The following EIF4G3 variants were observed in gnomAD, a reference collection of about 807,000 sequenced individuals.
EIF4G3 encodes the protein eIF-4-gamma 3.
A neutral mutation model predicts 186.4 loss-of-function variants in EIF4G3; 34 were observed. That is an observed-to-expected ratio of 0.18 (90% CI 0.14 to 0.24). EIF4G3 has a LOEUF of 0.24. EIF4G3 is among the 10% of genes least tolerant of loss of function. The pLI is 1.00. For synonymous variants in EIF4G3, 673 were observed against 679.5 expected, an observed-to-expected ratio of 0.99 and a Z score of 0.15; for missense variants, 1,536 against 1,948.5, an observed-to-expected ratio of 0.79 and a Z score of 3.99.
chr1:20,814,577 T>C (rs1373972473), intron 34 of EIF4G3, among the ~76,000 whole-genome samples: 1 of 152,274 alleles, frequency 6.6e-6, no homozygotes, highest in East Asian at 1.9e-4. Context: ...CAGAAGCATG[T>C]AACTATTTTT....
intron 14 of EIF4G3, among the ~76,000 whole-genome samples, chr1:20,925,545 C>T (rs936640729): frequency 7.9e-5 from 12 of 152,106 alleles, no homozygotes; most frequent in Non-Finnish European, 1.0e-4. Context: ...TATTTCTATA[C>T]GTTTTAGCAA....
chr1:20,971,768 G>T (rs2075939247), intron 11 of EIF4G3, among the ~76,000 whole-genome samples: 1 of 152,126 alleles, frequency 6.6e-6, no homozygotes. Flanking sequence ...CGAGTAGCTG[G>T]AATTATAGGC....
chr1:21,042,418 A>C (rs2093637285), intron 4 of EIF4G3, among the ~76,000 whole-genome samples: 1 of 152,206 alleles, frequency 6.6e-6, no homozygotes, highest in South Asian at 2.1e-4. Context: ...AATGACCATC[A>C]TCTACAAGAT....
chr1:20,998,172 T>C (rs529460618), intron 6 of EIF4G3, among the ~76,000 whole-genome samples: 2 of 152,090 alleles, frequency 1.3e-5, no homozygotes, highest in African/African-American at 2.4e-5. Flanking sequence ...AGTTTCAGTA[T>C]CTTAATTTCT....
chr1:21,024,735 T>C (rs1173832231), intron 4 of EIF4G3, among the ~76,000 whole-genome samples: 2 of 149,380 alleles, frequency 1.3e-5, no homozygotes, highest in African/African-American at 4.9e-5. Flanking sequence ...TCTCAAGTAA[T>C]CAGGGACACA....
chr1:20,973,144 A>T lies in EIF4G3; in HGVS notation c.494-45T>A, dbSNP rs1253236774. 4.9e-6 allele frequency: 7 copies of T among 1,423,252 alleles called. No homozygotes were observed. The South Asian group carries it at 7.1e-5, about 14-fold the overall frequency. 88.2% of individuals were successfully genotyped at this position (1,423,252 alleles called of 1,614,324 possible). A position where few individuals can be genotyped will look rare whatever the true frequency, so the allele number is the denominator to read the frequency against. ...TAAATAGGCATTCAGTTATTTTGTC[A>T]AACACTACAGAACTAGCAATGACAC... On this transcript the variant is annotated intron_variant, in intron 10 of 36. Coordinates refer to ENST00000602326, the MANE Select transcript of EIF4G3 (RefSeq NM_001391906.1).
chr1:21,053,912 G>A lies in EIF4G3; in HGVS notation c.-195-2918C>T, dbSNP rs554736580. ...AGGTGAGGGGCGCCTCTGCCCGGCC[G>A]CCCCTACTGGGAAGTGAGGAGCCCC... On this transcript the variant is annotated intron_variant, in intron 3 of 36. Coordinates refer to ENST00000602326, the MANE Select transcript of EIF4G3 (RefSeq NM_001391906.1). 3.6e-3 allele frequency among the ~76,000 whole-genome samples: 540 copies of A among 151,696 alleles called. 5 individuals carry two copies. Among genetic ancestry groups the A allele is most frequent in the African/African-American group, 0.012 (506 of 41,390 alleles).
At chr1:20,977,079 T>A (rs1307355356) in intron 10 of EIF4G3, among the ~76,000 whole-genome samples, 1 of 124,336 alleles carries the variant, frequency 8.0e-6, no homozygotes, top group Non-Finnish European at 1.8e-5. Context: ...AAAAACTTGT[T>A]AAATATAAAT....
intron 2 of EIF4G3, among the ~76,000 whole-genome samples, chr1:21,150,004 T>G (rs2097525170): frequency 6.6e-6 from 1 of 152,230 alleles, no homozygotes; most frequent in South Asian, 2.1e-4. Flanking sequence ...ATTCCAATAC[T>G]CAGTGTCATT....
intron 12 of EIF4G3, among the ~76,000 whole-genome samples, chr1:20,964,356 C>A (rs1272706107): frequency 6.6e-6 from 1 of 152,178 alleles, no homozygotes; most frequent in Non-Finnish European, 1.5e-5. Context: ...CCTCCATCTA[C>A]GCACTGTGAT....
intron 3 of EIF4G3, among the ~76,000 whole-genome samples, chr1:21,073,485 A>G (rs1262757530): frequency 1.3e-5 from 2 of 152,144 alleles, no homozygotes; most frequent in African/African-American, 4.8e-5. Flanking sequence ...GAGCTCTGCA[A>G]TATCTATTGG....
At chr1:21,135,213 G>A (rs2097217321) in intron 2 of EIF4G3, among the ~76,000 whole-genome samples, 1 of 152,090 alleles carries the variant, frequency 6.6e-6, no homozygotes, top group Admixed American at 6.5e-5. Flanking sequence ...AAATTAAACA[G>A]GGTAGGCCAG....
chr1:21,074,766 T>C (rs1329700270), intron 3 of EIF4G3, among the ~76,000 whole-genome samples: 1 of 152,268 alleles, frequency 6.6e-6, no homozygotes, highest in East Asian at 1.9e-4. Context: ...TCCAATACAA[T>C]GTTGTATTAA....
At chr1:21,030,064 G>T (rs969744721) in intron 4 of EIF4G3, among the ~76,000 whole-genome samples, 1 of 151,970 alleles carries the variant, frequency 6.6e-6, no homozygotes, top group Non-Finnish European at 1.5e-5. Context: ...TGCTTTGCTG[G>T]ACCAGATGTT....
chr1:21,048,472 GGTTCCTGGTTGCTC>G (rs892485595), intron 4 of EIF4G3, among the ~76,000 whole-genome samples: 11 of 152,094 alleles, frequency 7.2e-5, no homozygotes, highest in Non-Finnish European at 4.4e-5. Context: ...CCTGGTTCCT[GGTTCCTGGTTGCTC>G]CTGCAGCCCA....
chr1:21,150,598 T>C (rs2097534024), intron 2 of EIF4G3, among the ~76,000 whole-genome samples: 1 of 152,238 alleles, frequency 6.6e-6, no homozygotes, highest in Admixed American at 6.5e-5. Context: ...TGTAATTTAA[T>C]CTTTGCTGAA....
chr1:21,128,920 G>GT (rs2097099972), intron 2 of EIF4G3, among the ~76,000 whole-genome samples: 1 of 152,132 alleles, frequency 6.6e-6, no homozygotes, highest in African/African-American at 2.4e-5. Context: ...AATATAAAAC[G>GT]TAACTTTTCT....
intron 18 of EIF4G3, among the ~76,000 whole-genome samples, chr1:20,891,126 T>C (rs1304360656): frequency 6.6e-6 from 1 of 152,246 alleles, no homozygotes; most frequent in African/African-American, 2.4e-5. Flanking sequence ...GTATATGCTG[T>C]GATAAAGTTA....
intron 13 of EIF4G3, 75 bp from the exon 14 acceptor site, chr1:20,942,405 A>C (rs1463794139): frequency 2.1e-6 from 3 of 1,416,730 alleles, no homozygotes; most frequent in East Asian, 4.6e-5. Flanking sequence ...CAATTCTTTC[A>C]ATGTCTTACC....
Sources: allele counts gnomAD v4.1 joint callset (sites outside exome capture counted in the v4.1 genomes callset), GRCh38; gene constraint gnomAD v4.1.1; transcripts MANE v1.5; gene names NCBI Gene and HGNC (gene_info 2026-07-23, HGNC 2026-07-21).